TICRR: variants seen among roughly 807,000 people sequenced by gnomAD.
The protein encoded by TICRR is TOPBP1 interacting checkpoint and replication regulator.
In TICRR, 132 loss-of-function variants were observed where a neutral mutation model predicts 178.1. The observed-to-expected ratio is 0.74, with a 90% CI of 0.64 to 0.86. The LOEUF (loss-of-function observed/expected upper bound fraction) is 0.86. Among genes scored for constraint, TICRR ranks in the 40% least tolerant of loss-of-function variants. The probability of loss-of-function intolerance (pLI) is 0.00; values close to 1 mark genes in which losing one functional copy is unlikely to be tolerated. For missense variants in TICRR, 2,587 were observed against 2,334.3 expected (o/e 1.11, Z -2.23); for synonymous variants, 991 against 900.7 (o/e 1.10, Z -1.79).
rs149373315 is a variant in TICRR at position 89,599,585 on chromosome 15, C to T, written c.2052+110C>T. 459 of 1,104,444 alleles carry T rather than the reference C, an allele frequency of 4.2e-4. 3 individuals carry two copies. The African/African-American group carries it at 6.4e-3, about 16-fold the overall frequency. 68.4% of individuals were successfully genotyped at this position (1,104,444 alleles called of 1,614,324 possible). A position where few individuals can be genotyped will look rare whatever the true frequency, so the allele number is the denominator to read the frequency against. Reference sequence around the variant, plus strand: ...AATGTCTGTTATGTCATATGTGATTCAAAAATGGTAAGATAAGTAAGGGAG... The same window carrying T: ...AATGTCTGTTATGTCATATGTGATTTAAAAATGGTAAGATAAGTAAGGGAG... On this transcript the variant is annotated intron_variant, in intron 8 of 21. Coordinates refer to ENST00000268138, the MANE Select transcript of TICRR (RefSeq NM_152259.4).
chr15:89,616,598 T>A, intron 16 of TICRR, 103 bp downstream of exon 16: 1 of 861,322 alleles, frequency 1.2e-6, no homozygotes, highest in Non-Finnish European at 1.9e-6. Context: ...ACTTAAATCT[T>A]AACTATGTTG....
chr15:89,600,201 C>T (rs1963070757), intron 8 of TICRR, among the ~76,000 whole-genome samples: 1 of 152,182 alleles, frequency 6.6e-6, no homozygotes, highest in African/African-American at 2.4e-5. Context: ...AATCCTTTTG[C>T]ACTGGGAGTG....
intron 1 of TICRR, chr15:89,582,185 A>T (rs889117836): frequency 2.6e-5 from 4 of 152,532 alleles, no homozygotes; most frequent in African/African-American, 7.3e-5. Context: ...TTAGGCGGGC[A>T]TGGTGGCGCA....
At position 89,623,973 on chromosome 15, in the gene TICRR, A is replaced by AAGCCCCTCCTGTCC. The variant is rs1442289924; in HGVS notation, c.3673_3686dup (p.Thr1230ValfsTer60). The AAGCCCCTCCTGTCC allele has an allele frequency of 6.2e-7, 1 of 1,613,964 alleles. No homozygotes were observed. The highest frequency in any genetic ancestry group is 8.5e-7 in the Non-Finnish European group (1 of 1,179,996). Reference sequence around the variant, plus strand: ...CACATTCAGTGAATTCCAGTCCAGAAAGCCCCTCCTGTCCAGCCCCTCCAA... The same window carrying AAGCCCCTCCTGTCC: ...CACATTCAGTGAATTCCAGTCCAGAAAGCCCCTCCTGTCCAGCCCCTCCTGTCCAGCCCCTCCAA... On this transcript the variant is annotated frameshift_variant, in exon 20 of 22. Transcript: ENST00000268138. LOFTEE classifies it high-confidence loss of function.
rs750297038 is a variant in TICRR at position 89,624,072 on chromosome 15, A to G, written c.3762A>G (p.Ala1254=). 124 of 1,613,926 alleles carry G rather than the reference A, an allele frequency of 7.7e-5. 1 individual carries two copies. The South Asian group carries it at 1.3e-3, about 17-fold the overall frequency. ...ACCCTCTCAGAACACCTCCGAGAGCAGCAGCCTTCATGGGCACGCCTCAGA... is the reference window on the plus strand; with the variant it reads ...ACCCTCTCAGAACACCTCCGAGAGCGGCAGCCTTCATGGGCACGCCTCAGA... ...IRDPLRTPPR[A]AAFMGTPQNQ... The change falls in exon 20 of 22, where the codon GCA becomes GCG. Residue 1254 remains alanine, a synonymous_variant. Coordinates refer to ENST00000268138, the MANE Select transcript of TICRR (RefSeq NM_152259.4).
chr15:89,586,357 C>CAT (rs142659213), intron 4 of TICRR, among the ~76,000 whole-genome samples: 12,988 of 150,490 alleles, frequency 0.086, 621 homozygotes, highest in African/African-American at 0.14. Flanking sequence ...TATACGTATA[C>CAT]ATATATATAT....
chr15:89,586,356 A>G (rs567958961), intron 4 of TICRR, among the ~76,000 whole-genome samples: 1 of 150,350 alleles, frequency 6.7e-6, no homozygotes, highest in East Asian at 2.0e-4. Flanking sequence ...ATATACGTAT[A>G]CATATATATA....
At position 89,575,554 on chromosome 15, in the gene TICRR, G is replaced by C. The variant is rs1026734601; in HGVS notation, c.-33G>C. Reference sequence around the variant, plus strand: ...GACTAAGGGACGGTGGCGCGGGCCCGGACCGGGGCCCCGGGGCGGCGGCAC... The same window carrying C: ...GACTAAGGGACGGTGGCGCGGGCCCCGACCGGGGCCCCGGGGCGGCGGCAC... On this transcript the variant is annotated 5_prime_UTR_variant, in exon 1 of 22. Coordinates refer to ENST00000268138, the MANE Select transcript of TICRR (RefSeq NM_152259.4). The C allele has an allele frequency of 1.7e-5, 25 of 1,448,062 alleles. No individual in the cohort carries two copies. The highest frequency in any genetic ancestry group is 2.3e-5 in the Non-Finnish European group (25 of 1,108,372). The allele number at this position is 1,448,062 out of a possible 1,614,324, so 89.7% of individuals were successfully genotyped here.
chr15:89,581,002 C>G (rs192222850), intron 1 of TICRR, among the ~76,000 whole-genome samples: 11 of 152,324 alleles, frequency 7.2e-5, no homozygotes, highest in African/African-American at 2.6e-4. Flanking sequence ...TACCACTGCA[C>G]TCCAGCCTGG....
Position 89,576,046 on chromosome 15 carries a change from G to A in TICRR, c.460G>A (p.Val154Ile). 6.2e-7 allele frequency: 1 copy of A among 1,610,718 alleles called. No homozygotes were observed. Among genetic ancestry groups the A allele is most frequent in the African/African-American group, 1.3e-5 (1 of 75,024 alleles). Residue 154 changes from valine to isoleucine, a missense_variant, in exon 1 of 22, where the codon GTC becomes ATC. Val to Ile is a conservative substitution (Grantham distance 29). Transcript: ENST00000268138. ...EAALGGLVNA[V>I]FLLAPCPHSQ... is the part of the protein sequence containing the mutation. Reference sequence around the variant, plus strand: ...CGCGCTCGGGGGCTTGGTGAACGCCGTCTTCCTCCTGGCCCCCTGTCCGCA... The same window carrying A: ...CGCGCTCGGGGGCTTGGTGAACGCCATCTTCCTCCTGGCCCCCTGTCCGCA...
Position 89,609,636 on chromosome 15 carries a change from G to T in TICRR, c.2869+687G>T, listed in dbSNP as rs367995714. 9.9e-5 allele frequency among the ~76,000 whole-genome samples: 15 copies of T among 151,828 alleles called. No individual in the cohort carries two copies. In the East Asian group the frequency reaches 2.1e-3, roughly 22 times the overall value. On this transcript the variant is annotated intron_variant, in intron 15 of 21. Transcript: ENST00000268138. ...ATTATAGGTGTGCACCACCACACCC[G>T]GCTAATTTTTGTATTTTTAGTAGAG...
At chr15:89,609,091 T>A in intron 15 of TICRR, 142 bp downstream of exon 15, 1 of 517,158 alleles carries the variant, frequency 1.9e-6, no homozygotes. Flanking sequence ...GTTTGTCAAT[T>A]TTGTTAATCT....
intron 5 of TICRR, among the ~76,000 whole-genome samples, chr15:89,594,151 A>G (rs1379230945): frequency 6.6e-6 from 1 of 152,256 alleles, no homozygotes; most frequent in South Asian, 2.1e-4. Context: ...ATCCTAATTC[A>G]TGAAGAATCC....
chr15:89,600,922 T>C (rs1174827874), intron 9 of TICRR, among the ~76,000 whole-genome samples: 2 of 151,986 alleles, frequency 1.3e-5, no homozygotes, highest in Non-Finnish European at 2.9e-5. Flanking sequence ...GGTGTACACC[T>C]GTAGCCCTAG....
chr15:89,596,562 G>T (rs1963001794), intron 7 of TICRR, among the ~76,000 whole-genome samples: 1 of 152,130 alleles, frequency 6.6e-6, no homozygotes, highest in Non-Finnish European at 1.5e-5. Flanking sequence ...GGTCAGGCTG[G>T]TTTCGAACTC....
At chr15:89,597,000 G>A (rs1963008453) in intron 7 of TICRR, among the ~76,000 whole-genome samples, 2 of 152,164 alleles carry the variant, frequency 1.3e-5, no homozygotes, top group South Asian at 4.1e-4. Flanking sequence ...TGTGCTCAAT[G>A]TGGTCTGTAA....
intron 6 of TICRR, 38 bp from the exon 7 acceptor site, chr15:89,595,355 G>C: frequency 1.4e-6 from 2 of 1,473,720 alleles, no homozygotes; most frequent in Non-Finnish European, 1.9e-6. Context: ...AGAAGTGGAA[G>C]GCAATTTACT....
In TICRR at chr15:89,601,549, C is replaced by G; in HGVS notation, c.2308C>G (p.Leu770Val). 1 of 1,614,178 alleles carries G rather than the reference C, an allele frequency of 6.2e-7. No homozygotes were observed. The highest frequency in any genetic ancestry group is 8.5e-7 in the Non-Finnish European group (1 of 1,180,026). ...GGATTCAGCGTACCTAGCAGAGTTT[C>G]TGGAGGAAATTTTGAGATTGTAAGT... ...TEDSAYLAEF[L>V]EEILRLYIDS... The change falls in exon 11 of 22, where the codon CTG becomes GTG. Residue 770 changes from leucine (L) to valine (V), a missense_variant. By Grantham distance (32) the Leu-to-Val change is conservative (BLOSUM62 1). Coordinates refer to ENST00000268138, the MANE Select transcript of TICRR (RefSeq NM_152259.4).
chr15:89,590,705 G>A (rs1250684497), intron 4 of TICRR, among the ~76,000 whole-genome samples: 6 of 152,124 alleles, frequency 3.9e-5, no homozygotes, highest in African/African-American at 1.2e-4. Flanking sequence ...ACATTTATAC[G>A]TATCTCCATG....
Sources: gnomAD v4.1 joint callset for allele counts (sites outside exome capture counted in the v4.1 genomes callset) on GRCh38, gnomAD v4.1.1 for gene constraint, MANE v1.5 for transcripts, NCBI Gene and HGNC (gene_info 2026-07-23, HGNC 2026-07-21) for gene names.